EBF1: variants seen among roughly 807,000 people sequenced by gnomAD.
EBF1 encodes transcription factor COE1.
Under a neutral mutation model 68.4 loss-of-function variants are expected in EBF1, and 10 were observed. That is an observed-to-expected ratio of 0.15 (90% CI 0.09 to 0.25). The LOEUF is 0.25. Among genes scored for constraint, EBF1 ranks in the 10% least tolerant of loss-of-function variants. The pLI is 1.00. For synonymous variants in EBF1, 298 were observed against 299.8 expected, an observed-to-expected ratio of 0.99 and a Z score of 0.06; for missense variants, 509 against 794.4, an observed-to-expected ratio of 0.64 and a Z score of 4.32.
At chr5:159,012,041 C>A (rs1764770200) in intron 6 of EBF1, among the ~76,000 whole-genome samples, 1 of 152,140 alleles carries the variant, frequency 6.6e-6, no homozygotes, top group South Asian at 2.1e-4. Flanking sequence ...GTAATCCCAG[C>A]ACTTTGGGAG....
At chr5:158,863,820 T>C (rs1795382768) in intron 6 of EBF1, among the ~76,000 whole-genome samples, 1 of 152,178 alleles carries the variant, frequency 6.6e-6, no homozygotes, top group Non-Finnish European at 1.5e-5. Context: ...TTCTTTGGTG[T>C]GCTCTAAACA....
At chr5:159,038,769 C>T (rs1412322488) in intron 6 of EBF1, among the ~76,000 whole-genome samples, 1 of 152,096 alleles carries the variant, frequency 6.6e-6, no homozygotes, top group East Asian at 1.9e-4. Flanking sequence ...TGTCTGAGCA[C>T]CTAATTGCTG....
At chr5:158,861,841 G>A (rs1272352921) in intron 6 of EBF1, among the ~76,000 whole-genome samples, 3 of 134,586 alleles carry the variant, frequency 2.2e-5, no homozygotes, top group African/African-American at 5.6e-5. Context: ...TTGATTTATT[G>A]TAAAAAAAAA....
chr5:159,087,439 T>TAC (rs1269275609), intron 4 of EBF1, among the ~76,000 whole-genome samples: 53 of 149,116 alleles, frequency 3.6e-4, no homozygotes, highest in African/African-American at 1.2e-3. Flanking sequence ...CACATATATA[T>TAC]ACATATATAT....
At chr5:158,994,383 T>C (rs1360713658) in intron 6 of EBF1, among the ~76,000 whole-genome samples, 1 of 152,192 alleles carries the variant, frequency 6.6e-6, no homozygotes, top group African/African-American at 2.4e-5. Flanking sequence ...CTTTTAACTC[T>C]TGATCTTAGA....
intron 5 of EBF1, among the ~76,000 whole-genome samples, chr5:159,083,719 C>T (rs531480183): frequency 7.2e-5 from 11 of 152,318 alleles, no homozygotes; most frequent in African/African-American, 2.2e-4. Context: ...AAGCCCTAAA[C>T]GGATTGGTCA....
At chr5:158,755,655 T>C (rs531587993) in intron 10 of EBF1, among the ~76,000 whole-genome samples, 2 of 152,236 alleles carry the variant, frequency 1.3e-5, no homozygotes, top group South Asian at 2.1e-4. Flanking sequence ...CATTTTGAGA[T>C]ATTTGATGGA....
At chr5:158,837,996 C>T (rs1203044160) in intron 7 of EBF1, among the ~76,000 whole-genome samples, 1 of 152,120 alleles carries the variant, frequency 6.6e-6, no homozygotes, top group African/African-American at 2.4e-5. Context: ...GTTGCAAGAC[C>T]CTAAGCAACA....
intron 6 of EBF1, among the ~76,000 whole-genome samples, chr5:158,845,785 A>G (rs1450213189): frequency 6.6e-6 from 1 of 152,200 alleles, no homozygotes; most frequent in African/African-American, 2.4e-5. Context: ...AGGCTAAGAC[A>G]CATAAAGGAA....
intron 8 of EBF1, among the ~76,000 whole-genome samples, chr5:158,820,243 C>A (rs1784560473): frequency 6.6e-6 from 1 of 150,990 alleles, no homozygotes; most frequent in South Asian, 2.1e-4. Context: ...GCCGTCTCAC[C>A]ATGCGGTAGC....
intron 6 of EBF1, among the ~76,000 whole-genome samples, chr5:159,070,627 ATAG>A (rs1239164184): frequency 6.6e-5 from 10 of 152,304 alleles, no homozygotes; most frequent in African/African-American, 2.2e-4. Flanking sequence ...ACTGATAAAA[ATAG>A]TAGTGTTCTC....
chr5:158,864,471 G>A (rs1795513381), intron 6 of EBF1, among the ~76,000 whole-genome samples: 1 of 152,098 alleles, frequency 6.6e-6, no homozygotes, highest in Non-Finnish European at 1.5e-5. Flanking sequence ...CCCAAAGAAG[G>A]GATCCATTCC....
chr5:158,884,620 G>A (rs893165300), intron 6 of EBF1, among the ~76,000 whole-genome samples: 6 of 152,088 alleles, frequency 3.9e-5, no homozygotes, highest in Non-Finnish European at 7.4e-5. Context: ...ACAGGAAGGT[G>A]CAAGAGACAC....
intron 6 of EBF1, among the ~76,000 whole-genome samples, chr5:158,973,598 A>T (rs1369480745): frequency 3.9e-5 from 6 of 152,118 alleles, no homozygotes; most frequent in African/African-American, 1.2e-4. Flanking sequence ...TTTTAAATTT[A>T]ATGTCTGAGC....
At chr5:158,967,336 A>G (rs962587518) in intron 6 of EBF1, among the ~76,000 whole-genome samples, 5 of 152,224 alleles carry the variant, frequency 3.3e-5, no homozygotes, top group African/African-American at 1.2e-4. Flanking sequence ...TTCTGGAATT[A>G]TGGACCAGAA....
intron 15 of EBF1, among the ~76,000 whole-genome samples, chr5:158,703,611 A>C (rs1211657309): frequency 6.6e-6 from 1 of 152,088 alleles, no homozygotes; most frequent in Admixed American, 6.5e-5. Context: ...TCAAAAAAAA[A>C]AAAAAAAAAC....
chr5:158,882,715 T>G (rs182772532), intron 6 of EBF1, among the ~76,000 whole-genome samples: 1 of 152,368 alleles, frequency 6.6e-6, no homozygotes, highest in East Asian at 1.9e-4. Flanking sequence ...GATTTGGGAC[T>G]GGAAAGATGG....
At chr5:158,873,799 C>T (rs991054416) in intron 6 of EBF1, among the ~76,000 whole-genome samples, 4 of 152,122 alleles carry the variant, frequency 2.6e-5, no homozygotes, top group Non-Finnish European at 5.9e-5. Context: ...TCCTTATCAC[C>T]TAATTCAGTG....
intron 6 of EBF1, among the ~76,000 whole-genome samples, chr5:158,950,590 G>A (rs964821938): frequency 6.6e-5 from 10 of 152,202 alleles, no homozygotes; most frequent in South Asian, 2.1e-4. Flanking sequence ...AATTGGCCCC[G>A]TTCTGAGGAC....
Sources: allele counts gnomAD v4.1 joint callset (sites outside exome capture counted in the v4.1 genomes callset), GRCh38; gene constraint gnomAD v4.1.1; transcripts MANE v1.5; gene names NCBI Gene and HGNC (gene_info 2026-07-23, HGNC 2026-07-21).